Variants in MYO5B observed in about 807,000 individuals in gnomAD.
The protein encoded by MYO5B is myosin VB.
In MYO5B, 143 loss-of-function variants were observed where a neutral mutation model predicts 229.3. The ratio of observed to expected loss-of-function variants is 0.62; its 90% CI spans 0.54 to 0.72. The LOEUF is 0.72. MYO5B is among the 30% of genes least tolerant of loss of function. MYO5B has a pLI of 0.00. For missense variants in MYO5B, 2,321 were observed against 2,331.0 expected (o/e 1.00, Z 0.09); for synonymous variants, 918 against 885.2 (o/e 1.04, Z -0.66).
chr18:49,842,544 C>T (rs1441666295), intron 34 of MYO5B, among the ~76,000 whole-genome samples: 1 of 152,202 alleles, frequency 6.6e-6, no homozygotes, highest in Non-Finnish European at 1.5e-5. Context: ...CACAGGCCTG[C>T]TAGCAGGTAG....
intron 2 of MYO5B, among the ~76,000 whole-genome samples, chr18:50,054,002 C>T (rs569629696): frequency 1.9e-4 from 29 of 152,260 alleles, no homozygotes; most frequent in African/African-American, 5.5e-4. Flanking sequence ...TTCTCCCAGT[C>T]GTCTCCCCCA....
chr18:50,045,675 G>A (rs931447623), intron 2 of MYO5B, among the ~76,000 whole-genome samples: 7 of 152,232 alleles, frequency 4.6e-5, no homozygotes, highest in African/African-American at 7.2e-5. Flanking sequence ...GGTGTGAGCC[G>A]CCACGATCCT....
intron 1 of MYO5B, among the ~76,000 whole-genome samples, chr18:50,149,263 G>A (rs1171804939): frequency 6.6e-6 from 1 of 151,450 alleles, no homozygotes; most frequent in African/African-American, 2.4e-5. Context: ...TACTGCCCAA[G>A]GTAATTTACA....
intron 4 of MYO5B, among the ~76,000 whole-genome samples, chr18:50,009,054 T>C (rs990364000): frequency 5.3e-5 from 8 of 152,186 alleles, no homozygotes; most frequent in Admixed American, 2.6e-4. Context: ...TGACAATGAA[T>C]CTTGGAAACA....
intron 27 of MYO5B, among the ~76,000 whole-genome samples, chr18:49,865,757 A>G (rs558890115): frequency 6.6e-6 from 1 of 152,338 alleles, no homozygotes; most frequent in African/African-American, 2.4e-5. Flanking sequence ...CAGCCACGCC[A>G]GGCCCTACTC....
chr18:50,011,167 C>T (rs1483864024), intron 4 of MYO5B, among the ~76,000 whole-genome samples: 1 of 152,098 alleles, frequency 6.6e-6, no homozygotes, highest in African/African-American at 2.4e-5. Context: ...ATGGTGAAAC[C>T]CTGACTCTAC....
chr18:50,106,169 C>G (rs1405857101), intron 1 of MYO5B, among the ~76,000 whole-genome samples: 1 of 152,094 alleles, frequency 6.6e-6, no homozygotes, highest in Non-Finnish European at 1.5e-5. Context: ...ATTCACCAAG[C>G]AGATCTCCCG....
Position 50,039,449 on chromosome 18 carries a change from A to G in MYO5B, c.310+694T>C, listed in dbSNP as rs60078477. Reference sequence around the variant, plus strand: ...CCGGTTCAAGCGATTCTCCTGCCTCAGCCTCCCGAGTAGCTGGGACTACAG... The same window carrying G: ...CCGGTTCAAGCGATTCTCCTGCCTCGGCCTCCCGAGTAGCTGGGACTACAG... On this transcript the variant is annotated intron_variant, in intron 3 of 39. Coordinates refer to ENST00000285039, the MANE Select transcript of MYO5B (RefSeq NM_001080467.3). 0.014 allele frequency among the ~76,000 whole-genome samples: 2,092 copies of G among 152,116 alleles called. 148 individuals carry two copies. In the East Asian group the frequency reaches 0.21, roughly 15 times the overall value.
chr18:49,994,700 T>C (rs2025968551), intron 5 of MYO5B, among the ~76,000 whole-genome samples: 1 of 152,218 alleles, frequency 6.6e-6, no homozygotes, highest in Admixed American at 6.5e-5. Flanking sequence ...CTCACGCTCC[T>C]GGCACCCACC....
intron 4 of MYO5B, among the ~76,000 whole-genome samples, chr18:50,012,465 C>G (rs2026172197): frequency 6.6e-6 from 1 of 152,212 alleles, no homozygotes; most frequent in Non-Finnish European, 1.5e-5. Flanking sequence ...TATGATAAAT[C>G]ACCTAGAAAT....
At chr18:49,999,323 G>C (rs1363688928) in intron 5 of MYO5B, among the ~76,000 whole-genome samples, 1 of 152,234 alleles carries the variant, frequency 6.6e-6, no homozygotes, top group African/African-American at 2.4e-5. Flanking sequence ...GGCTGTCTTA[G>C]CTGTTCAATA....
chr18:49,962,430 C>A lies in MYO5B; in HGVS notation c.1405-24G>T, dbSNP rs183203487. The A allele has an allele frequency of 1.7e-5, 28 of 1,614,046 alleles. No individual in the cohort carries two copies. In the East Asian group the frequency reaches 5.8e-4, roughly 33 times the overall value. On this transcript the variant is annotated intron_variant, in intron 11 of 39. Coordinates refer to ENST00000285039, the MANE Select transcript of MYO5B (RefSeq NM_001080467.3). The stretch of plus-strand genomic sequence containing the variant: ...TGCTAGGGCAAGTAAAAAGGTCACA[C>A]GAGTGAACTGCAGGCACACCTTAAC...
At chr18:49,863,358 G>T in intron 28 of MYO5B, 31 bp from the exon 29 acceptor site, 1 of 1,591,308 alleles carries the variant, frequency 6.3e-7, no homozygotes, top group Non-Finnish European at 8.6e-7. Flanking sequence ...AAATAACTCT[G>T]GTTAAACAAT....
At chr18:50,043,599 TATAA>T (rs1005781071) in intron 2 of MYO5B, among the ~76,000 whole-genome samples, 1 of 131,584 alleles carries the variant, frequency 7.6e-6, no homozygotes, top group African/African-American at 2.9e-5. Flanking sequence ...TTTATAAGTA[TATAA>T]ATATATAAAT....
chr18:50,010,129 TG>T (rs1185409140), intron 4 of MYO5B, among the ~76,000 whole-genome samples: 1 of 152,224 alleles, frequency 6.6e-6, no homozygotes, highest in Admixed American at 6.5e-5. Flanking sequence ...AGTGCCTACT[TG>T]GTAAGATGAA....
At chr18:49,839,006 G>A (rs2024023854) in intron 36 of MYO5B, 138 bp downstream of exon 36, 2 of 1,023,686 alleles carry the variant, frequency 2.0e-6, no homozygotes, top group South Asian at 2.5e-5. Context: ...CCTCAGTTCT[G>A]CCTTCACTGG....
Position 49,860,116 on chromosome 18 carries a change from G to A in MYO5B, c.3944+3111C>T, listed in dbSNP as rs536858163. Among the ~76,000 whole-genome samples, 67 of 152,256 alleles carry A rather than the reference G, an allele frequency of 4.4e-4. No homozygotes were observed. The East Asian group carries it at 0.012, about 27-fold the overall frequency. On this transcript the variant is annotated intron_variant, in intron 29 of 39. Coordinates refer to ENST00000285039, the MANE Select transcript of MYO5B (RefSeq NM_001080467.3). ...CTGCTAGGAGGTTTTCTGGGACCTC[G>A]GGAATGCACCAGTCTCACTTTGGAG...
intron 22 of MYO5B, among the ~76,000 whole-genome samples, chr18:49,884,565 T>C (rs1254539153): frequency 1.3e-5 from 2 of 152,014 alleles, no homozygotes; most frequent in Non-Finnish European, 2.9e-5. Context: ...TGTGCTCCTA[T>C]GAGAATCTAA....
intron 14 of MYO5B, among the ~76,000 whole-genome samples, chr18:49,947,637 G>C (rs187490689): frequency 1.1e-4 from 17 of 152,202 alleles, no homozygotes; most frequent in African/African-American, 4.1e-4. Context: ...AGCAGTAAGA[G>C]AGCTGCCACA....
Sources: allele counts gnomAD v4.1 joint callset (sites outside exome capture counted in the v4.1 genomes callset), GRCh38; gene constraint gnomAD v4.1.1; transcripts MANE v1.5; gene names NCBI Gene and HGNC (gene_info 2026-07-23, HGNC 2026-07-21).